Variants in PCDHGB5 observed in about 807,000 individuals in gnomAD.
The protein encoded by PCDHGB5 is protocadherin gamma-B5.
A neutral mutation model predicts 62.9 loss-of-function variants in PCDHGB5; 48 were observed. That is an observed-to-expected ratio of 0.76 (90% confidence interval 0.61 to 0.97). PCDHGB5 has a LOEUF of 0.97. PCDHGB5 is among the 50% of genes least tolerant of loss of function. PCDHGB5 has a pLI of 0.00. For missense variants in PCDHGB5, 1,118 were observed against 1,198.6 expected, an observed-to-expected ratio of 0.93 and a Z score of 0.99; for synonymous variants, 474 against 511.2, an observed-to-expected ratio of 0.93 and a Z score of 0.98.
At chr5:141,507,865 T>C (rs2099864402) in intron 3 of PCDHGB5, among the ~76,000 whole-genome samples, 1 of 152,128 alleles carries the variant, frequency 6.6e-6, no homozygotes. Context: ...CACACCCGCT[T>C]CCTAGCCCTG....
intron 1 of PCDHGB5, chr5:141,418,261 G>T (rs763160633): frequency 1.9e-6 from 3 of 1,613,938 alleles, no homozygotes; most frequent in Non-Finnish European, 2.5e-6. Flanking sequence ...CTCAATTCCG[G>T]AAAGATGAAA....
chr5:141,500,184 T>TTTTATTTA (rs58019021), intron 2 of PCDHGB5, among the ~76,000 whole-genome samples: 1,392 of 135,954 alleles, frequency 0.01, 12 homozygotes, highest in South Asian at 0.02. Flanking sequence ...TCATTTTTAT[T>TTTTATTTA]TTTATTTATT....
At chr5:141,469,126 A>T (rs2099191838) in intron 1 of PCDHGB5, among the ~76,000 whole-genome samples, 1 of 151,470 alleles carries the variant, frequency 6.6e-6, no homozygotes, top group African/African-American at 2.4e-5. Context: ...AAATTTAAAA[A>T]TTAGCCAGAA....
intron 1 of PCDHGB5, chr5:141,426,791 C>T (rs2096960403): frequency 2.2e-6 from 1 of 456,574 alleles, no homozygotes; most frequent in Non-Finnish European, 4.4e-6. Context: ...TCCAGAGTTA[C>T]CAGCTCAGTT....
rs1454395834 is a variant in PCDHGB5, at chr5:141,413,223, G to A, written c.2397+12699G>A. The stretch of plus-strand genomic sequence containing the variant: ...CAAAGGAATCAAAGGATTGCAGCGG[G>A]CTGGTCCTGCTCTGCCTTTTCTTCG... On this transcript the variant is annotated intron_variant, in intron 1 of 3. Transcript: ENST00000617380. 4 of 1,613,694 alleles carry A rather than the reference G, an allele frequency of 2.5e-6. No individual in the cohort carries two copies. In the African/African-American group the frequency reaches 4.0e-5, roughly 16 times the overall value.
intron 1 of PCDHGB5, among the ~76,000 whole-genome samples, chr5:141,475,625 G>C (rs1172186188): frequency 2.0e-5 from 3 of 152,204 alleles, no homozygotes; most frequent in African/African-American, 7.2e-5. Flanking sequence ...GGTTTGGTTC[G>C]ATCCCCTTTC....
At chr5:141,478,519 G>T (rs778194073) in intron 1 of PCDHGB5, 19 of 1,610,728 alleles carry the variant, frequency 1.2e-5, no homozygotes, top group Non-Finnish European at 1.6e-5. Flanking sequence ...GGCAGGTGTT[G>T]GGTGCAGAGA....
chr5:141,505,596 T>G (rs2099846990), intron 3 of PCDHGB5, 115 bp downstream of exon 3: 1 of 1,562,168 alleles, frequency 6.4e-7, no homozygotes, highest in African/African-American at 1.4e-5. Context: ...CTCCAGATCT[T>G]TCGGCAGGTC....
intron 1 of PCDHGB5, among the ~76,000 whole-genome samples, chr5:141,470,572 A>G (rs1349952470): frequency 6.6e-6 from 1 of 152,208 alleles, no homozygotes; most frequent in Non-Finnish European, 1.5e-5. Flanking sequence ...GCCAAGCAGG[A>G]TCAACTTCAT....
At chr5:141,407,032 CAT>C (rs2094880022) in intron 1 of PCDHGB5, among the ~76,000 whole-genome samples, 1 of 152,174 alleles carries the variant, frequency 6.6e-6, no homozygotes, top group African/African-American at 2.4e-5. Flanking sequence ...CTATGCTAAA[CAT>C]GTGATCCATA....
intron 1 of PCDHGB5, among the ~76,000 whole-genome samples, chr5:141,447,221 C>A (rs1034853072): frequency 6.6e-6 from 1 of 152,026 alleles, no homozygotes; most frequent in Non-Finnish European, 1.5e-5. Context: ...CTCACTGCAA[C>A]CTCCGCCTCC....
chr5:141,433,208 CTTTT>C (rs745329085), intron 1 of PCDHGB5: 3 of 1,293,778 alleles, frequency 2.3e-6, no homozygotes, highest in African/African-American at 1.5e-5. Flanking sequence ...AATCTTCTTT[CTTTT>C]TTTTTTTTAA....
rs1283688342 is a variant in PCDHGB5, at chr5:141,437,688, T to G, written c.2397+37164T>G. On this transcript the variant is annotated intron_variant, in intron 1 of 3. Transcript: ENST00000617380. ...GAGATGTTGATCAAACTGATGAGGCTAAATCTCAAGAAAGAGACACAGTTA... is the reference window on the plus strand; with the variant it reads ...GAGATGTTGATCAAACTGATGAGGCGAAATCTCAAGAAAGAGACACAGTTA... Among the ~76,000 whole-genome samples the G allele has an allele frequency of 4.0e-5, 6 of 151,890 alleles. 1 individual carries two copies. The East Asian group carries it at 1.2e-3, about 29-fold the overall frequency.
chr5:141,401,890 C>T (rs2094204069), intron 1 of PCDHGB5, among the ~76,000 whole-genome samples: 1 of 152,084 alleles, frequency 6.6e-6, no homozygotes, highest in Non-Finnish European at 1.5e-5. Context: ...ATTTTGTGTT[C>T]TTTTTCCCAA....
chr5:141,428,077 A>G (rs2097107152), intron 1 of PCDHGB5: 4 of 1,609,206 alleles, frequency 2.5e-6, no homozygotes, highest in South Asian at 1.1e-5. Flanking sequence ...GATTCGGGAC[A>G]CAACGCTTGG....
chr5:141,421,527 GTCC>G (rs2096581302), intron 1 of PCDHGB5: 1 of 1,614,050 alleles, frequency 6.2e-7, no homozygotes, highest in African/African-American at 1.3e-5. Flanking sequence ...GTGAGACGGT[GTCC>G]TCCTGTTTTT....
intron 1 of PCDHGB5, among the ~76,000 whole-genome samples, chr5:141,457,906 T>G (rs1272656638): frequency 6.7e-6 from 1 of 150,040 alleles, no homozygotes; most frequent in Admixed American, 6.6e-5. Flanking sequence ...AGACAAGGTG[T>G]GAGGCCAGTT....
intron 1 of PCDHGB5, among the ~76,000 whole-genome samples, chr5:141,463,438 CTTTTTTTTTTTTTTTT>C (rs71576115): frequency 1.9e-5 from 2 of 103,256 alleles, no homozygotes; most frequent in African/African-American, 4.5e-5. Context: ...TTTCCTTCTC[CTTTTTTTTTTTTTTTT>C]TTTTTTTTTT....
chr5:141,409,591 G>A (rs72790040), intron 1 of PCDHGB5: 42,493 of 1,613,766 alleles, frequency 0.026, 744 homozygotes, highest in East Asian at 0.041. Context: ...ACGTGGCCGA[G>A]AACAACCCGC....
Sources: gnomAD v4.1 joint callset for allele counts (sites outside exome capture counted in the v4.1 genomes callset) on GRCh38, gnomAD v4.1.1 for gene constraint, MANE v1.5 for transcripts, NCBI Gene and HGNC (gene_info 2026-07-23, HGNC 2026-07-21) for gene names.